RBL1: variants seen among roughly 807,000 people sequenced by gnomAD.
The protein encoded by RBL1 is RB transcriptional corepressor like 1.
RBL1 carries 82 observed loss-of-function variants against 123.0 expected under a neutral mutation model. The ratio of observed to expected loss-of-function variants is 0.67; its 90% CI spans 0.56 to 0.80. The LOEUF is 0.80. Among genes scored for constraint, RBL1 ranks in the 30% least tolerant of loss-of-function variants. The pLI is 0.00. For synonymous variants in RBL1, 405 were observed against 441.3 expected, an observed-to-expected ratio of 0.92 and a Z score of 1.03; for missense variants, 1,171 against 1,299.6, an observed-to-expected ratio of 0.90 and a Z score of 1.52.
intron 9 of RBL1, among the ~76,000 whole-genome samples, chr20:37,056,501 C>T (rs920551886): frequency 7.2e-5 from 11 of 151,890 alleles, no homozygotes; most frequent in Non-Finnish European, 1.3e-4. Context: ...ATTATAGGCG[C>T]GCACTACCAC....
In RBL1 at chr20:37,007,576, A is replaced by G; in HGVS notation, c.2723-17T>C. On this transcript the variant is annotated splice_polypyrimidine_tract_variant and intron_variant, in intron 19 of 21. Transcript: ENST00000373664. ...CTTCTAAGTCTGTTAAAAAGAATGC[A>G]ATGTTGTGATACAAAGCATACTTTT... The G allele has an allele frequency of 6.2e-7, 1 of 1,608,566 alleles. No individual in the cohort carries two copies. The highest frequency in any genetic ancestry group is 1.3e-5 in the African/African-American group (1 of 74,616).
At chr20:37,047,228 G>T in intron 11 of RBL1, 38 bp from the exon 12 acceptor site, 1 of 1,558,076 alleles carries the variant, frequency 6.4e-7, no homozygotes, top group Non-Finnish European at 8.6e-7. Flanking sequence ...ATATTTTTCA[G>T]CAATTTCAGT....
At chr20:37,030,446 G>A (rs1246319644) in intron 16 of RBL1, among the ~76,000 whole-genome samples, 2 of 152,176 alleles carry the variant, frequency 1.3e-5, no homozygotes, top group Non-Finnish European at 2.9e-5. Flanking sequence ...TGGGCTGGGC[G>A]TGGTGGCTCA....
At chr20:37,049,810 C>A in intron 11 of RBL1, 1 of 457,138 alleles carries the variant, frequency 2.2e-6, no homozygotes, top group Non-Finnish European at 3.8e-6. Flanking sequence ...CACCTGTAAT[C>A]CCGGCACTTT....
Position 37,093,597 on chromosome 20 carries a change from C to T in RBL1, c.156+2176G>A, listed in dbSNP as rs559362228. 1.4e-4 allele frequency among the ~76,000 whole-genome samples: 21 copies of T among 151,988 alleles called. No individual in the cohort carries two copies. The South Asian group carries it at 4.4e-3, about 32-fold the overall frequency. On this transcript the variant is annotated intron_variant, in intron 1 of 21. Coordinates refer to ENST00000373664, the MANE Select transcript of RBL1 (RefSeq NM_002895.5). ...GAGTTTACAGTGAGCTATAATTGCA[C>T]CACTGCATTCCAGGCCTGGTCAAAA...
In RBL1 at chr20:37,001,178, T is replaced by TCTGCCCGGCCGCCC. The variant is rs1230485487; in HGVS notation, c.3037-2263_3037-2250dup. 3.4e-5 allele frequency among the ~76,000 whole-genome samples: 5 copies of TCTGCCCGGCCGCCC among 145,224 alleles called. No individual in the cohort carries two copies. In the South Asian group the frequency reaches 6.5e-4, roughly 19 times the overall value. On this transcript the variant is annotated intron_variant, in intron 21 of 21. Coordinates refer to ENST00000373664, the MANE Select transcript of RBL1 (RefSeq NM_002895.5). ...CCCCGTCCGGGAGGTGAGGGGCGCCTCTGCCCGGCCGCCCCTGCCCGGCCG... is the reference window on the plus strand; with the variant it reads ...CCCCGTCCGGGAGGTGAGGGGCGCCTCTGCCCGGCCGCCCCTGCCCGGCCGCCCCTGCCCGGCCG...
intron 7 of RBL1, among the ~76,000 whole-genome samples, chr20:37,064,298 G>A (rs546878119): frequency 5.3e-5 from 8 of 150,810 alleles, no homozygotes; most frequent in African/African-American, 1.7e-4. Context: ...CCACCACACC[G>A]AGCTAATTTT....
intron 11 of RBL1, 79 bp downstream of exon 11, chr20:37,055,474 C>A: frequency 6.2e-7 from 1 of 1,601,508 alleles, no homozygotes. Flanking sequence ...TCCCACAACG[C>A]CTTACAGAGC....
chr20:37,029,204 A>G (rs2064467961), intron 16 of RBL1, among the ~76,000 whole-genome samples: 1 of 152,208 alleles, frequency 6.6e-6, no homozygotes, highest in South Asian at 2.1e-4. Context: ...GAAACTACCT[A>G]AACATAATAA....
At position 37,089,016 on chromosome 20, in the gene RBL1, G is replaced by T; in HGVS notation, c.263C>A (p.Thr88Asn). Residue 88 changes from threonine to asparagine, a missense_variant, in exon 2 of 22, where the codon ACC becomes AAC. Thr to Asn is a moderately conservative substitution (Grantham distance 65). Transcript: ENST00000373664. Reference protein sequence around the residue: ...GIMEGNCVSLTRILRSAKLSL... With the variant: ...GIMEGNCVSLNRILRSAKLSL... The stretch of plus-strand genomic sequence containing the variant: ...TAATTTAGCTGAACGTAGTATTCTG[G>T]TAAGTGAAACACAGTTGCCTTCCAT... 1 of 1,609,808 alleles carries T rather than the reference G, an allele frequency of 6.2e-7. No homozygotes were observed.
intron 13 of RBL1, among the ~76,000 whole-genome samples, chr20:37,043,759 A>C (rs564690531): frequency 5.9e-5 from 9 of 152,304 alleles, no homozygotes; most frequent in African/African-American, 2.2e-4. Context: ...CCCAGTCAAA[A>C]GGGACTACAT....
intron 2 of RBL1, chr20:37,082,002 G>C (rs1052822991): frequency 2.2e-6 from 1 of 456,222 alleles, no homozygotes; most frequent in East Asian, 6.9e-5. Context: ...ATGTCAACTG[G>C]CCAGGAGACA....
chr20:37,022,908 A>C, intron 16 of RBL1, 82 bp from the exon 17 acceptor site: 1 of 1,110,170 alleles, frequency 9.0e-7, no homozygotes, highest in South Asian at 1.6e-5. Context: ...GACCAAGATT[A>C]AAAAACATAG....
intron 12 of RBL1, among the ~76,000 whole-genome samples, chr20:37,044,805 G>C (rs1013238950): frequency 6.6e-6 from 1 of 152,142 alleles, no homozygotes; most frequent in Non-Finnish European, 1.5e-5. Context: ...TTGAGGCAAC[G>C]ATAGGTGAAA....
At chr20:36,999,970 G>T (rs2063939912) in intron 21 of RBL1, among the ~76,000 whole-genome samples, 1 of 151,342 alleles carries the variant, frequency 6.6e-6, no homozygotes, top group African/African-American at 2.4e-5. Flanking sequence ...GGGATGTGAG[G>T]AGCCTCTCTG....
chr20:37,045,034 ATTG>A (rs964914688), intron 12 of RBL1, among the ~76,000 whole-genome samples: 25 of 151,974 alleles, frequency 1.6e-4, no homozygotes, highest in South Asian at 2.1e-4. Flanking sequence ...TAATAATATG[ATTG>A]TTAATAGATT....
At chr20:37,033,946 T>C (rs1411534940) in intron 15 of RBL1, among the ~76,000 whole-genome samples, 2 of 144,068 alleles carry the variant, frequency 1.4e-5, no homozygotes, top group African/African-American at 4.9e-5. Context: ...TTTTTCTTTT[T>C]CTTTTTTTTT....
At chr20:37,044,033 G>GTTT (rs200990142) in intron 13 of RBL1, 53 bp downstream of exon 13, 1,599 of 910,548 alleles carry the variant, frequency 1.8e-3, no homozygotes, top group South Asian at 5.0e-3. Context: ...AATAAAGCTG[G>GTTT]TTTTTTTTTT....
At chr20:37,000,932 T>C (rs1164692579) in intron 21 of RBL1, among the ~76,000 whole-genome samples, 5 of 135,496 alleles carry the variant, frequency 3.7e-5, no homozygotes, top group Admixed American at 7.3e-5. Flanking sequence ...AGCCGCCCCA[T>C]CCGGGAGGTG....
Sources: gnomAD v4.1 joint callset for allele counts (sites outside exome capture counted in the v4.1 genomes callset) on GRCh38, gnomAD v4.1.1 for gene constraint, MANE v1.5 for transcripts, NCBI Gene and HGNC (gene_info 2026-07-23, HGNC 2026-07-21) for gene names.